SPECC1: variants seen among roughly 807,000 people sequenced by gnomAD.
SPECC1 encodes the protein cytospin-B.
SPECC1 carries 62 observed loss-of-function variants against 104.1 expected under a neutral mutation model. The observed-to-expected ratio is 0.60, with a 90% confidence interval of 0.49 to 0.74. SPECC1 has a LOEUF of 0.74. Ranked by LOEUF, SPECC1 falls within the 30% of genes least tolerant of loss-of-function variation. The probability of loss-of-function intolerance (pLI) is 0.00; values close to 1 mark genes in which losing one functional copy is unlikely to be tolerated. For missense variants in SPECC1, 1,306 were observed against 1,310.5 expected (o/e 1.00, Z 0.05); for synonymous variants, 513 against 501.6 (o/e 1.02, Z -0.30).
intron 4 of SPECC1, among the ~76,000 whole-genome samples, chr17:20,213,658 A>G (rs2037304155): frequency 6.6e-6 from 1 of 152,106 alleles, no homozygotes; most frequent in African/African-American, 2.4e-5. Context: ...TTGAGGGGAG[A>G]GGGGGTGAGT....
At chr17:20,238,925 T>C in intron 7 of SPECC1, 1 of 1,041,320 alleles carries the variant, frequency 9.6e-7, no homozygotes. Context: ...ACCAGCTACG[T>C]TTCTGCAGGG....
At chr17:20,247,794 C>T (rs936806062) in intron 9 of SPECC1, among the ~76,000 whole-genome samples, 1 of 152,070 alleles carries the variant, frequency 6.6e-6, no homozygotes, top group African/African-American at 2.4e-5. Context: ...ACTTAAGGGG[C>T]TACTTTTTAA....
chr17:20,210,052 A>G (rs947296174), intron 4 of SPECC1, among the ~76,000 whole-genome samples: 1 of 152,202 alleles, frequency 6.6e-6, no homozygotes, highest in Admixed American at 6.5e-5. Context: ...TGAAATGACT[A>G]GTGTTCTGCT....
At chr17:20,237,170 A>G in intron 7 of SPECC1, 1 of 1,340,082 alleles carries the variant, frequency 7.5e-7, no homozygotes, top group Non-Finnish European at 9.6e-7. Context: ...GAAGTTCTGA[A>G]AAAAACAAAG....
chr17:20,184,181 C>CAAA (rs759475722), intron 3 of SPECC1, among the ~76,000 whole-genome samples: 22 of 43,966 alleles, frequency 5.0e-4, no homozygotes, highest in African/African-American at 7.0e-4. Context: ...ACTCCTGTCT[C>CAAA]AAAAAAAAAA....
chr17:20,237,194 A>G, intron 7 of SPECC1: 2 of 1,294,798 alleles, frequency 1.5e-6, no homozygotes, highest in Non-Finnish European at 2.0e-6. Flanking sequence ...AAGTCTTATG[A>G]AAAGTTATTT....
chr17:20,302,354 G>T (rs1404504236), intron 13 of SPECC1, among the ~76,000 whole-genome samples: 1 of 152,304 alleles, frequency 6.6e-6, no homozygotes, highest in African/African-American at 2.4e-5. Flanking sequence ...ACCCTGCCCG[G>T]CTCCTGTGGG....
intron 1 of SPECC1, among the ~76,000 whole-genome samples, chr17:20,045,287 T>C (rs2045495365): frequency 6.6e-6 from 1 of 152,224 alleles, no homozygotes; most frequent in African/African-American, 2.4e-5. Context: ...TTTTTGATGG[T>C]TGAATGATGG....
chr17:20,061,795 C>T (rs1490980377), intron 1 of SPECC1, among the ~76,000 whole-genome samples: 1 of 152,144 alleles, frequency 6.6e-6, no homozygotes, highest in Non-Finnish European at 1.5e-5. Flanking sequence ...GTGTGCTAGG[C>T]ACTCTGAAAG....
At chr17:20,064,862 A>G (rs1462519836) in intron 1 of SPECC1, among the ~76,000 whole-genome samples, 1 of 152,090 alleles carries the variant, frequency 6.6e-6, no homozygotes, top group African/African-American at 2.4e-5. Context: ...CTCTGTAATT[A>G]CTTCTCCCTG....
intron 3 of SPECC1, among the ~76,000 whole-genome samples, chr17:20,119,098 C>A (rs936815332): frequency 6.6e-6 from 1 of 152,148 alleles, no homozygotes; most frequent in East Asian, 1.9e-4. Flanking sequence ...TTTATATAGA[C>A]TGTAATGAAA....
intron 7 of SPECC1, among the ~76,000 whole-genome samples, chr17:20,243,894 G>A (rs1040241981): frequency 7.2e-5 from 11 of 152,088 alleles, no homozygotes; most frequent in Non-Finnish European, 1.5e-4. Flanking sequence ...GTCCTTGGGG[G>A]CCTTTGGTAC....
chr17:20,235,206 G>A (rs910503817), intron 7 of SPECC1, among the ~76,000 whole-genome samples: 8 of 152,174 alleles, frequency 5.3e-5, no homozygotes, highest in African/African-American at 1.9e-4. Context: ...TTATTCTGGT[G>A]CAATGCCTTG....
chr17:20,058,871 G>A (rs1420742962), intron 1 of SPECC1, among the ~76,000 whole-genome samples: 4 of 125,496 alleles, frequency 3.2e-5, no homozygotes, highest in East Asian at 4.6e-4. Flanking sequence ...ACAGAGTATC[G>A]CTCTGTCGCC....
intron 3 of SPECC1, among the ~76,000 whole-genome samples, chr17:20,201,714 T>C (rs1041918047): frequency 2.0e-5 from 3 of 152,218 alleles, no homozygotes; most frequent in African/African-American, 7.2e-5. Flanking sequence ...TTAATACTTA[T>C]TTCACAAGAA....
At chr17:20,162,654 C>G (rs1433746226) in intron 3 of SPECC1, among the ~76,000 whole-genome samples, 1 of 152,216 alleles carries the variant, frequency 6.6e-6, no homozygotes, top group Non-Finnish European at 1.5e-5. Context: ...TGGTTGCTTT[C>G]TAGTCCCATC....
intron 3 of SPECC1, among the ~76,000 whole-genome samples, chr17:20,167,116 T>C (rs1011055856): frequency 1.3e-5 from 2 of 148,470 alleles, no homozygotes; most frequent in African/African-American, 4.9e-5. Flanking sequence ...AAATTAGCTA[T>C]ATATATGTAA....
At chr17:20,251,519 C>T (rs1451323630) in intron 9 of SPECC1, among the ~76,000 whole-genome samples, 2 of 152,092 alleles carry the variant, frequency 1.3e-5, no homozygotes, top group South Asian at 2.1e-4. Flanking sequence ...AACTGTATAC[C>T]ACGACCATTA....
chr17:20,262,678 A>G (rs756582191), intron 12 of SPECC1, among the ~76,000 whole-genome samples: 3 of 152,126 alleles, frequency 2.0e-5, no homozygotes, highest in Non-Finnish European at 4.4e-5. Context: ...CCCAGGCTGA[A>G]GCTTTTGAGG....
Sources: gnomAD v4.1 joint callset for allele counts (sites outside exome capture counted in the v4.1 genomes callset) on GRCh38, gnomAD v4.1.1 for gene constraint, MANE v1.5 for transcripts, NCBI Gene and HGNC (gene_info 2026-07-23, HGNC 2026-07-21) for gene names.